GAS7: variants seen among roughly 807,000 people sequenced by gnomAD.
GAS7 encodes the protein growth arrest specific 7.
A neutral mutation model predicts 71.1 loss-of-function variants in GAS7; 28 were observed. The ratio of observed to expected loss-of-function variants is 0.39; its 90% CI spans 0.29 to 0.54. GAS7 has a LOEUF of 0.54. GAS7 is among the 20% of genes least tolerant of loss of function. The probability of loss-of-function intolerance (pLI) is 0.62; values close to 1 mark genes in which losing one functional copy is unlikely to be tolerated. For missense variants in GAS7, 436 were observed against 627.8 expected (o/e 0.69, Z 3.27); for synonymous variants, 258 against 245.8 (o/e 1.05, Z -0.46).
At chr17:10,191,843 C>G (rs907385186) in intron 1 of GAS7, among the ~76,000 whole-genome samples, 5 of 146,972 alleles carry the variant, frequency 3.4e-5, no homozygotes, top group African/African-American at 1.3e-4. Flanking sequence ...CCACTGCACT[C>G]CAGCCTGGGC....
chr17:10,092,450 G>A (rs1053885308), intron 1 of GAS7, among the ~76,000 whole-genome samples: 2 of 152,330 alleles, frequency 1.3e-5, no homozygotes, highest in Non-Finnish European at 1.5e-5. Context: ...ACACACAACT[G>A]CTGTTCAATA....
In GAS7 at chr17:10,083,731, G is replaced by A. The variant is rs899031637; in HGVS notation, c.184-63834C>T. ...GCAGGAAAGTCCCCCATGTGGCTGG[G>A]TCCAGGGCCTTTTATGGACTCAGAA... is the stretch of plus-strand genomic sequence containing the variant. On this transcript the variant is annotated intron_variant, in intron 1 of 13. Coordinates refer to ENST00000432992, the MANE Select transcript of GAS7 (RefSeq NM_201433.2). Among the ~76,000 whole-genome samples the A allele has an allele frequency of 8.9e-4, 135 of 152,366 alleles. 1 individual carries two copies. The highest frequency in any genetic ancestry group is 1.9e-3 in the South Asian group (9 of 4,834).
At chr17:9,943,013 A>C (rs1259102974) in intron 7 of GAS7, 108 bp downstream of exon 7, 2 of 684,612 alleles carry the variant, frequency 2.9e-6, no homozygotes, top group Non-Finnish European at 5.2e-6. Flanking sequence ...TAACCAGCCC[A>C]ATGCTGAGTG....
chr17:10,021,444 G>A (rs550980361), intron 1 of GAS7, among the ~76,000 whole-genome samples: 51 of 152,304 alleles, frequency 3.3e-4, no homozygotes, highest in Non-Finnish European at 6.8e-4. Flanking sequence ...TGAGCTGCTC[G>A]GGGACTTTGA....
chr17:9,934,482 G>A (rs2068322297), intron 8 of GAS7, among the ~76,000 whole-genome samples: 1 of 151,948 alleles, frequency 6.6e-6, no homozygotes, highest in Non-Finnish European at 1.5e-5. Flanking sequence ...ACAGACTGTG[G>A]CGCACAGCCA....
rs985498836 is a variant in GAS7, at chr17:10,026,056, C to T, written c.184-6159G>A. ...CTGCTACTCCGCTCCCTACCGCTCCCACCATGCTTCAAGCTCAAGTTCAAC... is the reference window on the plus strand; with the variant it reads ...CTGCTACTCCGCTCCCTACCGCTCCTACCATGCTTCAAGCTCAAGTTCAAC... On this transcript the variant is annotated intron_variant, in intron 1 of 13. Coordinates refer to ENST00000432992, the MANE Select transcript of GAS7 (RefSeq NM_201433.2). This position sits in a 1 kb window ranked among gnomAD's most constrained non-coding sequence, Gnocchi z 4.5. The T allele has an allele frequency of 2.0e-6, 1 of 496,008 alleles. No homozygotes were observed. Among genetic ancestry groups the T allele is most frequent in the Admixed American group, 6.4e-5 (1 of 15,682 alleles). The allele number at this position is 496,008 out of a possible 1,614,324, so 30.7% of individuals were successfully genotyped here. A position where few individuals can be genotyped will look rare whatever the true frequency, so the allele number is the denominator to read the frequency against.
intron 1 of GAS7, among the ~76,000 whole-genome samples, chr17:10,029,002 A>G (rs2072541760): frequency 6.6e-6 from 1 of 152,236 alleles, no homozygotes. Context: ...TGGGGAGGAA[A>G]GTTCCAGAGC....
chr17:10,129,756 G>T (rs1597808754), intron 1 of GAS7, among the ~76,000 whole-genome samples: 1 of 152,140 alleles, frequency 6.6e-6, no homozygotes, highest in Non-Finnish European at 1.5e-5. Context: ...TGCAAACCAC[G>T]TATCTGATAA....
At chr17:10,184,844 G>C (rs910094175) in intron 1 of GAS7, among the ~76,000 whole-genome samples, 5 of 152,146 alleles carry the variant, frequency 3.3e-5, no homozygotes, top group Non-Finnish European at 7.3e-5. Context: ...GGATTAGAGG[G>C]TTGGGATTTT....
At chr17:10,166,457 T>G (rs1405250597) in intron 1 of GAS7, among the ~76,000 whole-genome samples, 1 of 152,230 alleles carries the variant, frequency 6.6e-6, no homozygotes, top group Non-Finnish European at 1.5e-5. Flanking sequence ...ATCCTTCACT[T>G]TCTCTAGTTT....
At chr17:10,032,337 T>C (rs909871304) in intron 1 of GAS7, among the ~76,000 whole-genome samples, 1 of 152,186 alleles carries the variant, frequency 6.6e-6, no homozygotes, top group Non-Finnish European at 1.5e-5. Flanking sequence ...GATGAACTGT[T>C]GAGGAATGTT....
At chr17:9,922,919 T>A (rs1485350783) in intron 11 of GAS7, among the ~76,000 whole-genome samples, 1 of 152,232 alleles carries the variant, frequency 6.6e-6, no homozygotes, top group Non-Finnish European at 1.5e-5. Context: ...TTGTTTGTTT[T>A]GTTTTTTGAG....
At chr17:10,193,857 C>A (rs1457456908) in intron 1 of GAS7, among the ~76,000 whole-genome samples, 3 of 152,150 alleles carry the variant, frequency 2.0e-5, no homozygotes, top group Admixed American at 2.0e-4. Flanking sequence ...CAGCTGAGCC[C>A]CGTCAATCCA....
At chr17:10,117,718 A>C (rs532538684) in intron 1 of GAS7, among the ~76,000 whole-genome samples, 11 of 152,224 alleles carry the variant, frequency 7.2e-5, no homozygotes, top group African/African-American at 2.6e-4. Flanking sequence ...TCCTGTGAAA[A>C]CAACAGACTA....
chr17:10,188,832 T>G (rs1032021726), intron 1 of GAS7, among the ~76,000 whole-genome samples: 1 of 152,076 alleles, frequency 6.6e-6, no homozygotes, highest in African/African-American at 2.4e-5. Flanking sequence ...GAGAAAAAAT[T>G]TGGGTTTCCC....
intron 9 of GAS7, among the ~76,000 whole-genome samples, chr17:9,929,017 T>G (rs1203729425): frequency 1.3e-5 from 2 of 152,212 alleles, no homozygotes; most frequent in Non-Finnish European, 2.9e-5. Context: ...CCCTGGAACC[T>G]TCCCTGTATA....
intron 1 of GAS7, among the ~76,000 whole-genome samples, chr17:10,155,305 C>T (rs567618418): frequency 1.5e-4 from 23 of 148,816 alleles, no homozygotes; most frequent in Admixed American, 6.7e-4. Flanking sequence ...TGTGAGCCAC[C>T]GTGCCCGGCC....
At chr17:9,998,656 GGACA>G (rs1567871926) in intron 2 of GAS7, among the ~76,000 whole-genome samples, 1 of 147,438 alleles carries the variant, frequency 6.8e-6, no homozygotes, top group East Asian at 2.0e-4. Context: ...ACAGAAAGAA[GGACA>G]GACAAAGACA....
At chr17:10,078,426 G>A (rs144430193) in intron 1 of GAS7, among the ~76,000 whole-genome samples, 3 of 152,252 alleles carry the variant, frequency 2.0e-5, no homozygotes, top group Non-Finnish European at 4.4e-5. Flanking sequence ...GAAGAGAGAA[G>A]AATTGGTGCA....
Sources: allele counts gnomAD v4.1 joint callset (sites outside exome capture counted in the v4.1 genomes callset), GRCh38; gene constraint gnomAD v4.1.1; non-coding constraint Gnocchi (gnomAD v3.1); transcripts MANE v1.5; gene names NCBI Gene and HGNC (gene_info 2026-07-23, HGNC 2026-07-21).